The following PCDH15 variants were observed in gnomAD, a reference collection of about 807,000 sequenced individuals.
PCDH15 encodes protocadherin related 15.
In PCDH15, 129 loss-of-function variants were observed where a neutral mutation model predicts 178.5. The ratio of observed to expected loss-of-function variants is 0.72; its 90% CI spans 0.63 to 0.84. The LOEUF is 0.84. PCDH15 is among the 40% of genes least tolerant of loss of function. The pLI is 0.00. For missense variants in PCDH15, 2,230 were observed against 2,099.9 expected, an observed-to-expected ratio of 1.06 and a Z score of -1.21; for synonymous variants, 800 against 732.0, an observed-to-expected ratio of 1.09 and a Z score of -1.50.
intron 1 of PCDH15, among the ~76,000 whole-genome samples, chr10:55,318,060 A>G (rs944819971): frequency 1.1e-4 from 17 of 152,222 alleles, no homozygotes; most frequent in African/African-American, 3.6e-4. Context: ...TTCCAAGTTT[A>G]GAGCGTAAAA....
At chr10:54,726,920 C>T (rs67105148) in intron 1 of PCDH15, among the ~76,000 whole-genome samples, 14,021 of 150,394 alleles carry the variant, frequency 0.093, 690 homozygotes, top group Admixed American at 0.11. Context: ...GTAATGAGAC[C>T]AAACCTGAAA....
At position 54,020,302 on chromosome 10, in the gene PCDH15, C is replaced by G. The variant is rs1183755133; in HGVS notation, c.2641G>C (p.Asp881His). 2 of 1,613,814 alleles carry G rather than the reference C, an allele frequency of 1.2e-6. No homozygotes were observed. The highest frequency in any genetic ancestry group is 2.2e-5 in the South Asian group (2 of 91,076). ...TCTTGGTCTGGAAATGCCTCATAAT[C>G]TAAACTCCTTAAAAGCGATAGTTCT... is the stretch of plus-strand genomic sequence containing the variant. Reference protein sequence around the residue: ...TGELSLLRSLDYEAFPDQEAS... With the variant: ...TGELSLLRSLHYEAFPDQEAS... The change falls in exon 20 of 38, where the codon GAT becomes CAT. Residue 881 changes from aspartate (D) to histidine (H), a missense_variant. Asp to His is a moderately conservative substitution (Grantham distance 81). Transcript: ENST00000644397.
chr10:54,490,446 T>C (rs758341073), intron 3 of PCDH15, among the ~76,000 whole-genome samples: 8 of 151,676 alleles, frequency 5.3e-5, no homozygotes, highest in East Asian at 1.9e-4. Flanking sequence ...CAAGACTATG[T>C]CTCAAAAATA....
At position 55,348,524 on chromosome 10, in the gene PCDH15, G is replaced by A. The variant is rs183492721; in HGVS notation, c.-155-181873C>T. On this transcript the variant is annotated intron_variant, in intron 2 of 5. Transcript: ENST00000613346. ...CAAACCCCTGCTCACATATATGGAA[G>A]GGAAGTAAATAAGTAAACACACAAA... 5.3e-3 allele frequency among the ~76,000 whole-genome samples: 806 copies of A among 152,102 alleles called. 7 individuals are homozygous for A. Among genetic ancestry groups the A allele is most frequent in the African/African-American group, 0.017 (716 of 41,502 alleles).
At chr10:55,120,292 AG>A in intron 2 of PCDH15, among the ~76,000 whole-genome samples, 1 of 152,208 alleles carries the variant, frequency 6.6e-6, no homozygotes, top group Non-Finnish European at 1.5e-5. Context: ...CCTGGTGTGA[AG>A]GAAGACAGAA....
At chr10:55,547,916 A>T (rs372237481) in intron 2 of PCDH15, among the ~76,000 whole-genome samples, 3,779 of 74,202 alleles carry the variant, frequency 0.051, 197 homozygotes, top group African/African-American at 0.19. Flanking sequence ...TGTGTGAGAG[A>T]GAGAGAGAGA....
chr10:55,379,549 C>T (rs1837483576), intron 2 of PCDH15, among the ~76,000 whole-genome samples: 1 of 151,772 alleles, frequency 6.6e-6, no homozygotes, highest in South Asian at 2.1e-4. Flanking sequence ...AAAAACACTA[C>T]TTTATATATG....
chr10:55,013,886 G>A (rs1434649874), intron 2 of PCDH15, among the ~76,000 whole-genome samples: 2 of 151,990 alleles, frequency 1.3e-5, no homozygotes, highest in Admixed American at 6.6e-5. Flanking sequence ...CCCTAGAACA[G>A]TATTCAAACT....
chr10:54,277,189 C>T lies in PCDH15; in HGVS notation c.876+40082G>A, dbSNP rs933171906. Among the ~76,000 whole-genome samples the T allele has an allele frequency of 5.3e-5, 8 of 151,644 alleles. No homozygotes were observed. In the East Asian group the frequency reaches 1.5e-3, roughly 29 times the overall value. ...TTAAATAACCTTCAGGAAAAAAGGCCTTAAACTGTTTTAAGGCACTAATAT... is the reference window on the plus strand; with the variant it reads ...TTAAATAACCTTCAGGAAAAAAGGCTTTAAACTGTTTTAAGGCACTAATAT... On this transcript the variant is annotated intron_variant, in intron 8 of 37. Transcript: ENST00000644397.
chr10:53,882,427 C>T (rs958389733), intron 26 of PCDH15, among the ~76,000 whole-genome samples: 5 of 152,164 alleles, frequency 3.3e-5, no homozygotes, highest in Non-Finnish European at 5.9e-5. Context: ...TGCTGGACTT[C>T]GTCGCCCCCA....
chr10:55,493,641 C>G (rs190097922), intron 2 of PCDH15, among the ~76,000 whole-genome samples: 1 of 151,722 alleles, frequency 6.6e-6, no homozygotes, highest in Non-Finnish European at 1.5e-5. Context: ...AATATGTGAT[C>G]AAAAACTTAG....
chr10:55,226,906 C>T (rs1409163928), intron 1 of PCDH15, among the ~76,000 whole-genome samples: 1 of 151,838 alleles, frequency 6.6e-6, no homozygotes, highest in East Asian at 1.9e-4. Context: ...TCAAGAGATT[C>T]ACTATCCAGC....
chr10:54,707,364 G>T (rs961018421), intron 1 of PCDH15, among the ~76,000 whole-genome samples: 2 of 152,086 alleles, frequency 1.3e-5, no homozygotes, highest in African/African-American at 4.8e-5. Context: ...TGAGAGGAAA[G>T]GAGTCTAAAT....
At chr10:54,517,620 T>C (rs1439245445) in intron 3 of PCDH15, among the ~76,000 whole-genome samples, 1 of 152,108 alleles carries the variant, frequency 6.6e-6, no homozygotes, top group Non-Finnish European at 1.5e-5. Context: ...TGGGAGACTT[T>C]AACACCCCAC....
intron 1 of PCDH15, among the ~76,000 whole-genome samples, chr10:54,741,673 C>T (rs1027235859): frequency 6.6e-6 from 1 of 151,968 alleles, no homozygotes. Flanking sequence ...ATTTATTTGC[C>T]TTTTCTAGCT....
chr10:54,905,401 A>G (rs1417985888), intron 2 of PCDH15, among the ~76,000 whole-genome samples: 1 of 152,166 alleles, frequency 6.6e-6, no homozygotes, highest in Admixed American at 6.5e-5. Flanking sequence ...TTTGTTTGAT[A>G]AATTATGAGA....
intron 2 of PCDH15, among the ~76,000 whole-genome samples, chr10:54,987,464 A>G (rs1293203942): frequency 6.6e-6 from 1 of 152,166 alleles, no homozygotes; most frequent in African/African-American, 2.4e-5. Context: ...TGTTTGAACT[A>G]ATTTATACTC....
At chr10:55,507,590 CTT>C (rs1400837169) in intron 2 of PCDH15, among the ~76,000 whole-genome samples, 1 of 151,352 alleles carries the variant, frequency 6.6e-6, no homozygotes, top group East Asian at 1.9e-4. Flanking sequence ...GAGTTTCACT[CTT>C]GTCGCCCAAG....
At chr10:55,107,484 CTTTTTTTTTTTT>C (rs11290952) in intron 2 of PCDH15, among the ~76,000 whole-genome samples, 1 of 86,206 alleles carries the variant, frequency 1.2e-5, no homozygotes, top group Non-Finnish European at 2.0e-5. Context: ...ATTCTCTTTC[CTTTTTTTTTTTT>C]TTTTTTTTTT....
Sources: gnomAD v4.1 joint callset for allele counts (sites outside exome capture counted in the v4.1 genomes callset) on GRCh38, gnomAD v4.1.1 for gene constraint, MANE v1.5 for transcripts, NCBI Gene and HGNC (gene_info 2026-07-23, HGNC 2026-07-21) for gene names.